USP43: variants seen among roughly 807,000 people sequenced by gnomAD.
The protein encoded by USP43 is ubiquitin specific peptidase 43, also known as ubiquitin carboxyl-terminal hydrolase 43.
Under a neutral mutation model 90.7 loss-of-function variants are expected in USP43, and 33 were observed. The ratio of observed to expected loss-of-function variants is 0.36; its 90% confidence interval spans 0.28 to 0.49. The LOEUF is 0.49. USP43 is among the 20% of genes least tolerant of loss of function. The pLI is 0.98. For missense variants in USP43, 1,274 were observed against 1,476.4 expected (o/e 0.86, Z 2.25); for synonymous variants, 598 against 615.8 (o/e 0.97, Z 0.43).
At chr17:9,698,712 A>G (rs1366933374) in intron 9 of USP43, among the ~76,000 whole-genome samples, 1 of 152,256 alleles carries the variant, frequency 6.6e-6, no homozygotes, top group East Asian at 1.9e-4. Context: ...AGTTTTGTAC[A>G]ATAAACTTGG....
In USP43 at chr17:9,676,918, G is replaced by A. The variant is rs762454390; in HGVS notation, c.969+37G>A. On this transcript the variant is annotated intron_variant, in intron 5 of 14. Coordinates refer to ENST00000285199, the MANE Select transcript of USP43 (RefSeq NM_153210.5). ...TTGCACTGGGGCCTGGTCATTGGATGATAGAATGCTAACTGAGCCAGCTGT... is the reference window on the plus strand; with the variant it reads ...TTGCACTGGGGCCTGGTCATTGGATAATAGAATGCTAACTGAGCCAGCTGT... 3.1e-6 allele frequency: 5 copies of A among 1,600,990 alleles called. No homozygotes were observed. The South Asian group carries it at 4.5e-5, about 14-fold the overall frequency.
rs142488323 is a variant in USP43 at position 9,680,084 on chromosome 17, C to A, written c.970-147C>A. Reference sequence around the variant, plus strand: ...TCTGAGGACAATCTAATGGTTGTATCTACTATGCTGCCTTATTACTAAAAA... The same window carrying A: ...TCTGAGGACAATCTAATGGTTGTATATACTATGCTGCCTTATTACTAAAAA... On this transcript the variant is annotated intron_variant, in intron 5 of 14. Transcript: ENST00000285199. The A allele has an allele frequency of 3.4e-3, 2,058 of 601,098 alleles. 36 individuals are homozygous for A. Among genetic ancestry groups the A allele is most frequent in the Non-Finnish European group, 5.9e-4 (220 of 370,930 alleles). 37.2% of individuals were successfully genotyped at this position (601,098 alleles called of 1,614,324 possible). A position where few individuals can be genotyped will look rare whatever the true frequency, so the allele number is the denominator to read the frequency against.
chr17:9,728,576 T>C lies in USP43; in HGVS notation c.2958T>C (p.Ser986=), dbSNP rs1917405552. The change falls in exon 15 of 15, where the codon TCT becomes TCC. Residue 986 remains serine, a synonymous_variant. Coordinates refer to ENST00000285199, the MANE Select transcript of USP43 (RefSeq NM_153210.5). The surrounding 1 kb of genome is among the most constrained non-coding windows in gnomAD (Gnocchi z 6.2). The part of the protein sequence containing the change: ...GNSKDSRRGT[S]ELDRPLQGTL... ...GCAAAGACAGTCGCCGAGGCACCTCTGAGCTAGACAGACCCCTGCAGGGGA... is the reference window on the plus strand; with the variant it reads ...GCAAAGACAGTCGCCGAGGCACCTCCGAGCTAGACAGACCCCTGCAGGGGA... 1 of 1,613,870 alleles carries C rather than the reference T, an allele frequency of 6.2e-7. No homozygotes were observed. The highest frequency in any genetic ancestry group is 1.7e-5 in the Admixed American group (1 of 60,006).
At chr17:9,647,428 G>A (rs370614724) in intron 1 of USP43, 1 of 152,274 alleles carries the variant, frequency 6.6e-6, no homozygotes, top group Non-Finnish European at 1.5e-5. Context: ...GGAGTTTTGT[G>A]ACCTTGAGCA....
At chr17:9,679,941 T>C (rs1336525144) in intron 5 of USP43, among the ~76,000 whole-genome samples, 1 of 152,188 alleles carries the variant, frequency 6.6e-6, no homozygotes, top group African/African-American at 2.4e-5. Context: ...AACACTCACT[T>C]TTTGTTCACA....
intron 1 of USP43, among the ~76,000 whole-genome samples, chr17:9,653,140 T>C (rs1911993549): frequency 6.6e-6 from 1 of 152,238 alleles, no homozygotes. Flanking sequence ...GGGACATTTT[T>C]AAGGCCCTAT....
intron 5 of USP43, among the ~76,000 whole-genome samples, chr17:9,679,265 G>C (rs1185192713): frequency 2.6e-5 from 4 of 152,046 alleles, no homozygotes; most frequent in Non-Finnish European, 1.5e-5. Flanking sequence ...GCAGGGGTGT[G>C]ATCATAGCTT....
intron 3 of USP43, among the ~76,000 whole-genome samples, chr17:9,667,088 T>C (rs1430888054): frequency 6.6e-6 from 1 of 152,062 alleles, no homozygotes; most frequent in African/African-American, 2.4e-5. Flanking sequence ...TTGTTCTCTC[T>C]CCAGAGAGCC....
chr17:9,712,241 C>A, intron 14 of USP43, 109 bp downstream of exon 14: 1 of 1,304,858 alleles, frequency 7.7e-7, no homozygotes, highest in Non-Finnish European at 1.0e-6. Flanking sequence ...AAGGGTCCAT[C>A]ATTACGAGAG....
intron 1 of USP43, among the ~76,000 whole-genome samples, chr17:9,654,759 A>G (rs1444035550): frequency 6.6e-6 from 1 of 151,394 alleles, no homozygotes; most frequent in African/African-American, 2.4e-5. Context: ...TTTTTTTGAG[A>G]CAGAGTCTCA....
At position 9,727,995 on chromosome 17, in the gene USP43, A is replaced by G; in HGVS notation, c.2377A>G (p.Arg793Gly). ...GCGTTTGGTACGGGGCGTGAAAGGC[A>G]GAAGCATTAGCATGAAGGCACCCAC... ...PRRLVRGVKG[R>G]SISMKAPTTS... is the part of the protein sequence containing the mutation. The change falls in exon 15 of 15, where the codon AGA becomes GGA. Residue 793 changes from arginine (R) to glycine (G), a missense_variant. This residue lies in a region of USP43 where 285 missense variants were observed against 349.6 expected (regional missense o/e 0.82). Coordinates refer to ENST00000285199, the MANE Select transcript of USP43 (RefSeq NM_153210.5). The G allele has an allele frequency of 6.2e-7, 1 of 1,612,046 alleles. No individual in the cohort carries two copies. The highest frequency in any genetic ancestry group is 1.1e-5 in the South Asian group (1 of 91,062).
At chr17:9,687,596 CAGA>C (rs980341972) in intron 8 of USP43, among the ~76,000 whole-genome samples, 14 of 152,254 alleles carry the variant, frequency 9.2e-5, no homozygotes, top group African/African-American at 3.4e-4. Flanking sequence ...TTGCTTGACA[CAGA>C]AGATGTTGAA....
At chr17:9,711,839 T>G in intron 13 of USP43, 129 bp from the exon 14 acceptor site, 1 of 1,092,292 alleles carries the variant, frequency 9.2e-7, no homozygotes, top group African/African-American at 1.6e-5. Flanking sequence ...TTTCTGCAGT[T>G]CTGTTCTGGT....
chr17:9,680,489 T>C (rs1914094277), intron 6 of USP43, 123 bp downstream of exon 6: 3 of 1,137,064 alleles, frequency 2.6e-6, no homozygotes, highest in Non-Finnish European at 3.7e-6. Flanking sequence ...AGACTTATTA[T>C]CCCTGGCATT....
intron 5 of USP43, among the ~76,000 whole-genome samples, chr17:9,679,516 CTTTTTT>C (rs544977324): frequency 4.9e-5 from 4 of 82,308 alleles, no homozygotes; most frequent in African/African-American, 2.2e-4. Flanking sequence ...TGAAATGCAT[CTTTTTT>C]TTTTTTTTTT....
At chr17:9,716,712 C>A (rs1916589203) in intron 14 of USP43, among the ~76,000 whole-genome samples, 1 of 152,054 alleles carries the variant, frequency 6.6e-6, no homozygotes, top group Non-Finnish European at 1.5e-5. Context: ...AAGGGGAGCA[C>A]CCTGAGTTGT....
intron 9 of USP43, among the ~76,000 whole-genome samples, chr17:9,695,672 G>C (rs978440511): frequency 1.3e-5 from 2 of 152,066 alleles, no homozygotes; most frequent in African/African-American, 4.8e-5. Flanking sequence ...ACAGTTCAGT[G>C]GGATTGTTAC....
At chr17:9,695,744 T>C (rs943396471) in intron 9 of USP43, among the ~76,000 whole-genome samples, 1 of 152,200 alleles carries the variant, frequency 6.6e-6, no homozygotes, top group Non-Finnish European at 1.5e-5. Flanking sequence ...TCTTGCAAAA[T>C]GGAAACTCTG....
chr17:9,645,770 C>T lies in USP43; in HGVS notation c.138C>T (p.Pro46=). Residue 46 remains proline (P), a synonymous_variant, in exon 1 of 15, where the codon CCC becomes CCT. Coordinates refer to ENST00000285199, the MANE Select transcript of USP43 (RefSeq NM_153210.5). The surrounding 1 kb of genome is among the most constrained non-coding windows in gnomAD (Gnocchi z 6.8). ...GSRSRPGDSP[P]RPQPGHCDGD... ...GCTCACGCCCCGGGGACTCACCGCC[C>T]CGGCCCCAGCCGGGACACTGTGATG... 7.2e-7 allele frequency: 1 copy of T among 1,392,976 alleles called. No individual in the cohort carries two copies. 86.3% of individuals were successfully genotyped at this position (1,392,976 alleles called of 1,614,324 possible).
Sources: gnomAD v4.1 joint callset for allele counts (sites outside exome capture counted in the v4.1 genomes callset) on GRCh38, gnomAD v4.1.1 for gene constraint, gnomAD v4.1.1 regional missense constraint, Gnocchi (gnomAD v3.1) non-coding constraint, MANE v1.5 for transcripts, NCBI Gene and HGNC (gene_info 2026-07-23, HGNC 2026-07-21) for gene names.